The following ASCC3 variants were observed in gnomAD, a reference collection of about 807,000 sequenced individuals.
The protein encoded by ASCC3 is ASC-1 complex subunit P200.
In ASCC3, 158 loss-of-function variants were observed where a neutral mutation model predicts 256.3. The ratio of observed to expected loss-of-function variants is 0.62; its 90% confidence interval spans 0.54 to 0.70. The LOEUF (loss-of-function observed/expected upper bound fraction) is 0.70. ASCC3 is among the 30% of genes least tolerant of loss of function. The probability of loss-of-function intolerance (pLI) is 0.00; values close to 1 mark genes in which losing one functional copy is unlikely to be tolerated. For missense variants in ASCC3, 2,259 were observed against 2,626.0 expected (o/e 0.86, Z 3.05); for synonymous variants, 948 against 883.4 (o/e 1.07, Z -1.30).
At chr6:100,684,336 G>T (rs556853858) in intron 13 of ASCC3, among the ~76,000 whole-genome samples, 1 of 152,112 alleles carries the variant, frequency 6.6e-6, no homozygotes, top group Admixed American at 6.6e-5. Context: ...TAGTAAAATG[G>T]TGGCTCTAAA....
In ASCC3 at chr6:100,714,829, A is replaced by C. The variant is rs146574735; in HGVS notation, c.2151+633T>G. Among the ~76,000 whole-genome samples the C allele has an allele frequency of 1.5e-3, 231 of 152,180 alleles. 1 individual carries two copies. The highest frequency in any genetic ancestry group is 5.4e-3 in the African/African-American group (225 of 41,578). On this transcript the variant is annotated intron_variant, in intron 13 of 41. Transcript: ENST00000369162. ...TAAGGAGGCAGTGTCCCATGCTCTC[A>C]AGTTCAAATCATCTTTGATTTATTT... is the stretch of plus-strand genomic sequence containing the variant.
rs1020931997 is a variant in ASCC3, at chr6:100,766,572, C to A, written c.1730G>T (p.Arg577Leu). ...DMQLSKSEILRTQMLVTTPEK... is the reference protein window; with the variant it reads ...DMQLSKSEILLTQMLVTTPEK... Reference sequence around the variant, plus strand: ...TCTAGGTAAACAACATACCTGAGTTCGTAAAATTTCACTTTTGGACAACTG... The same window carrying A: ...TCTAGGTAAACAACATACCTGAGTTAGTAAAATTTCACTTTTGGACAACTG... The change falls in exon 10 of 42, where the codon CGA becomes CTA. Residue 577 changes from arginine to leucine, a missense_variant. By Grantham distance (102) the Arg-to-Leu change is moderately radical. Transcript: ENST00000369162. 2 of 1,613,878 alleles carry A rather than the reference C, an allele frequency of 1.2e-6. No homozygotes were observed. The highest frequency in any genetic ancestry group is 4.5e-5 in the East Asian group (2 of 44,850).
chr6:100,580,672 G>A (rs950833853), intron 36 of ASCC3, among the ~76,000 whole-genome samples: 27 of 151,762 alleles, frequency 1.8e-4, no homozygotes, highest in Middle Eastern at 6.9e-3. Flanking sequence ...ATGCTGGTGC[G>A]CTGCACCCAC....
chr6:100,718,473 T>C (rs539210410), intron 11 of ASCC3, among the ~76,000 whole-genome samples: 5 of 151,998 alleles, frequency 3.3e-5, no homozygotes, highest in African/African-American at 1.2e-4. Flanking sequence ...AAAATACACA[T>C]GAGGGGTGAG....
chr6:100,689,139 C>T (rs1251902831), intron 13 of ASCC3, among the ~76,000 whole-genome samples: 1 of 152,140 alleles, frequency 6.6e-6, no homozygotes, highest in Admixed American at 6.6e-5. Context: ...TGATCCTTCT[C>T]CAATCTCGCC....
intron 10 of ASCC3, among the ~76,000 whole-genome samples, chr6:100,746,526 A>C (rs1780687364): frequency 1.3e-5 from 2 of 152,184 alleles, no homozygotes; most frequent in Admixed American, 1.3e-4. Context: ...CACTCACTTA[A>C]GGTTGTACTA....
chr6:100,514,430 T>G (rs1432300533), intron 39 of ASCC3, among the ~76,000 whole-genome samples: 1 of 152,166 alleles, frequency 6.6e-6, no homozygotes, highest in African/African-American at 2.4e-5. Context: ...ACTTGTTATG[T>G]TTCTTTACCT....
intron 4 of ASCC3, among the ~76,000 whole-genome samples, chr6:100,806,808 G>C (rs1770207025): frequency 6.6e-6 from 1 of 151,854 alleles, no homozygotes; most frequent in Non-Finnish European, 1.5e-5. Context: ...GAATTATTAA[G>C]AATAGTCCTG....
At chr6:100,743,126 C>A (rs952710147) in intron 10 of ASCC3, among the ~76,000 whole-genome samples, 1 of 152,156 alleles carries the variant, frequency 6.6e-6, no homozygotes, top group African/African-American at 2.4e-5. Flanking sequence ...CTGGGAGAAG[C>A]GTGGTTTCCC....
At chr6:100,761,095 G>A (rs1489549778) in intron 10 of ASCC3, among the ~76,000 whole-genome samples, 1 of 152,146 alleles carries the variant, frequency 6.6e-6, no homozygotes, top group Non-Finnish European at 1.5e-5. Flanking sequence ...AAGCCCAAGA[G>A]AAACAACATA....
At chr6:100,772,466 T>C (rs1394419345) in intron 8 of ASCC3, among the ~76,000 whole-genome samples, 1 of 152,222 alleles carries the variant, frequency 6.6e-6, no homozygotes, top group Non-Finnish European at 1.5e-5. Flanking sequence ...AATGGAATAC[T>C]ACACAGCATT....
intron 37 of ASCC3, chr6:100,530,432 A>G: frequency 2.4e-6 from 2 of 850,076 alleles, no homozygotes; most frequent in Non-Finnish European, 4.1e-6. Context: ...AACTTTATAT[A>G]TGAGAGAGTG....
chr6:100,723,701 A>G (rs1779451815), intron 11 of ASCC3, among the ~76,000 whole-genome samples: 1 of 150,866 alleles, frequency 6.6e-6, no homozygotes, highest in Admixed American at 6.7e-5. Context: ...TATGACTCCC[A>G]GGGTTTTGGC....
intron 10 of ASCC3, among the ~76,000 whole-genome samples, chr6:100,758,713 T>C (rs763387045): frequency 6.6e-6 from 1 of 152,224 alleles, no homozygotes; most frequent in Non-Finnish European, 1.5e-5. Context: ...TGTATGTGTC[T>C]TTATAGTAGA....
At chr6:100,787,462 T>A (rs1295646238) in intron 8 of ASCC3, among the ~76,000 whole-genome samples, 2 of 152,114 alleles carry the variant, frequency 1.3e-5, no homozygotes, top group African/African-American at 2.4e-5. Flanking sequence ...TAAATCCTCA[T>A]CAAATAATCT....
At chr6:100,653,879 ACT>A (rs928975264) in intron 17 of ASCC3, among the ~76,000 whole-genome samples, 1 of 151,996 alleles carries the variant, frequency 6.6e-6, no homozygotes, top group Non-Finnish European at 1.5e-5. Flanking sequence ...ATTAAGGAAC[ACT>A]CTGTAGTCAT....
chr6:100,660,464 T>C (rs2114929070), intron 16 of ASCC3, among the ~76,000 whole-genome samples: 1 of 151,818 alleles, frequency 6.6e-6, no homozygotes, highest in Admixed American at 6.6e-5. Flanking sequence ...AGCCACACAA[T>C]TACAGTAGCC....
intron 36 of ASCC3, among the ~76,000 whole-genome samples, chr6:100,587,802 G>A (rs901656283): frequency 1.2e-4 from 18 of 152,172 alleles, no homozygotes; most frequent in Admixed American, 5.2e-4. Context: ...GAAACATGCT[G>A]CTGACAGGAT....
chr6:100,618,534 T>C (rs563599919), intron 30 of ASCC3, among the ~76,000 whole-genome samples: 1 of 152,174 alleles, frequency 6.6e-6, no homozygotes, highest in Non-Finnish European at 1.5e-5. Context: ...TTTTATGCAA[T>C]AGGTTATGTA....
Sources: gnomAD v4.1 joint callset for allele counts (sites outside exome capture counted in the v4.1 genomes callset) on GRCh38, gnomAD v4.1.1 for gene constraint, MANE v1.5 for transcripts, NCBI Gene and HGNC (gene_info 2026-07-23, HGNC 2026-07-21) for gene names.